Variants in CLINT1 observed in about 807,000 individuals in gnomAD.
CLINT1 encodes clathrin interactor 1, also known as clathrin interacting protein localized in the trans-Golgi region.
CLINT1 carries 15 observed loss-of-function variants against 70.4 expected under a neutral mutation model. The ratio of observed to expected loss-of-function variants is 0.21; its 90% CI spans 0.14 to 0.33. CLINT1 has a LOEUF of 0.33. CLINT1 is among the 10% of genes least tolerant of loss of function. The pLI, the probability that CLINT1 is intolerant of heterozygous loss-of-function variation, is 1.00. For missense variants in CLINT1, 615 were observed against 778.1 expected (o/e 0.79, Z 2.49); for synonymous variants, 227 against 254.7 (o/e 0.89, Z 1.04).
chr5:157,857,403 T>C (rs925776360), intron 1 of CLINT1, among the ~76,000 whole-genome samples: 39 of 152,176 alleles, frequency 2.6e-4, no homozygotes, highest in Non-Finnish European at 1.5e-5. Flanking sequence ...AATAGCTAAA[T>C]AGTCCGAAAT....
intron 1 of CLINT1, among the ~76,000 whole-genome samples, chr5:157,840,774 C>G (rs530517552): frequency 1.3e-5 from 2 of 151,942 alleles, no homozygotes; most frequent in Admixed American, 1.3e-4. Flanking sequence ...TGGTGGCTCA[C>G]GCTTGTAATC....
intron 8 of CLINT1, 169 bp from the exon 9 acceptor site, chr5:157,795,141 A>G (rs1050398704): frequency 8.1e-6 from 5 of 615,126 alleles, no homozygotes; most frequent in Admixed American, 2.9e-5. Flanking sequence ...TATGTTCCCT[A>G]TGAGCTACCA....
At chr5:157,817,886 C>T (rs1206888929) in intron 1 of CLINT1, among the ~76,000 whole-genome samples, 3 of 152,140 alleles carry the variant, frequency 2.0e-5, no homozygotes, top group Non-Finnish European at 2.9e-5. Context: ...ACTAAGTTGT[C>T]AGTTTCTTGA....
intron 1 of CLINT1, among the ~76,000 whole-genome samples, chr5:157,828,708 C>G (rs1228931772): frequency 2.0e-5 from 3 of 151,972 alleles, no homozygotes; most frequent in African/African-American, 7.3e-5. Flanking sequence ...AGAAGTATCC[C>G]TGGGCTGATT....
intron 10 of CLINT1, 118 bp from the exon 11 acceptor site, chr5:157,789,631 T>C: frequency 7.6e-7 from 1 of 1,319,132 alleles, no homozygotes; most frequent in Non-Finnish European, 1.1e-6. Flanking sequence ...CAGATGGCAA[T>C]TTAATCACAA....
chr5:157,831,149 T>C (rs1469364984), intron 1 of CLINT1, among the ~76,000 whole-genome samples: 1 of 151,904 alleles, frequency 6.6e-6, no homozygotes, highest in Non-Finnish European at 1.5e-5. Flanking sequence ...CCTCATTTAA[T>C]AACCTTATGT....
Position 157,859,063 on chromosome 5 carries a change from A to G in CLINT1, c.-93T>C. On this transcript the variant is annotated 5_prime_UTR_variant, in exon 1 of 12. Coordinates refer to ENST00000411809, the MANE Select transcript of CLINT1 (RefSeq NM_014666.4). ...ACCGGGGCAGTTCCAGGCCGGGGTC[A>G]CCGCCGCCCGCCGCCTCGAACTCCC... is the stretch of plus-strand genomic sequence containing the variant. 7.0e-7 allele frequency: 1 copy of G among 1,438,714 alleles called. No individual in the cohort carries two copies. The highest frequency in any genetic ancestry group is 9.5e-7 in the Non-Finnish European group (1 of 1,051,862). The allele number at this position is 1,438,714 out of a possible 1,614,324, so 89.1% of individuals were successfully genotyped here. A position where few individuals can be genotyped will look rare whatever the true frequency, so the allele number is the denominator to read the frequency against.
chr5:157,818,169 G>C (rs186076077), intron 1 of CLINT1, among the ~76,000 whole-genome samples: 127 of 152,158 alleles, frequency 8.3e-4, no homozygotes, highest in Admixed American at 2.8e-3. Flanking sequence ...GAGATTGTAC[G>C]ATGGACACTT....
intron 8 of CLINT1, among the ~76,000 whole-genome samples, chr5:157,801,009 A>T (rs550096919): frequency 6.6e-6 from 1 of 152,236 alleles, no homozygotes; most frequent in African/African-American, 2.4e-5. Flanking sequence ...CTGTGACACT[A>T]TATCTGTATT....
At chr5:157,813,545 A>G (rs567615875) in intron 4 of CLINT1, among the ~76,000 whole-genome samples, 4 of 152,356 alleles carry the variant, frequency 2.6e-5, no homozygotes, top group African/African-American at 9.6e-5. Context: ...AGACATATCC[A>G]TAAGTGCTAT....
intron 9 of CLINT1, among the ~76,000 whole-genome samples, chr5:157,792,818 G>T (rs1581474670): frequency 6.6e-6 from 1 of 152,102 alleles, no homozygotes; most frequent in Admixed American, 6.6e-5. Flanking sequence ...ATATTGAAAG[G>T]AACAGATAAA....
intron 1 of CLINT1, among the ~76,000 whole-genome samples, chr5:157,824,171 T>C (rs1581513910): frequency 6.6e-6 from 1 of 152,206 alleles, no homozygotes; most frequent in Non-Finnish European, 1.5e-5. Context: ...ATTAGATAAA[T>C]AGTTTTAAGA....
chr5:157,793,751 G>A (rs1761985086), intron 9 of CLINT1, among the ~76,000 whole-genome samples: 1 of 152,028 alleles, frequency 6.6e-6, no homozygotes, highest in Admixed American at 6.6e-5. Flanking sequence ...TCTAGTTTCT[G>A]GGAAATACTT....
At chr5:157,850,406 C>T (rs1239035469) in intron 1 of CLINT1, among the ~76,000 whole-genome samples, 1 of 151,786 alleles carries the variant, frequency 6.6e-6, no homozygotes, top group African/African-American at 2.4e-5. Flanking sequence ...ATTGCCTGAG[C>T]TCAAGAGTTT....
chr5:157,850,109 C>T (rs1486632229), intron 1 of CLINT1, among the ~76,000 whole-genome samples: 1 of 151,976 alleles, frequency 6.6e-6, no homozygotes, highest in Non-Finnish European at 1.5e-5. Context: ...ACAGGCGGGG[C>T]AACAAAGAGC....
intron 1 of CLINT1, among the ~76,000 whole-genome samples, chr5:157,819,646 G>A (rs1762822963): frequency 6.6e-6 from 1 of 152,200 alleles, no homozygotes; most frequent in Admixed American, 6.5e-5. Flanking sequence ...TGAAGAATGC[G>A]TGGCTTAGGC....
At chr5:157,853,477 A>G (rs1753642807) in intron 1 of CLINT1, among the ~76,000 whole-genome samples, 1 of 151,532 alleles carries the variant, frequency 6.6e-6, no homozygotes, top group Non-Finnish European at 1.5e-5. Flanking sequence ...CAGTAAACAG[A>G]TGAAAAACTG....
chr5:157,815,439 A>ATT (rs1762690515), intron 3 of CLINT1, among the ~76,000 whole-genome samples: 1 of 152,220 alleles, frequency 6.6e-6, no homozygotes, highest in Admixed American at 6.5e-5. Context: ...TACTCCTACA[A>ATT]AACTTTGTGA....
chr5:157,818,467 T>TAAAAAA (rs929415179), intron 1 of CLINT1, among the ~76,000 whole-genome samples: 2 of 88,328 alleles, frequency 2.3e-5, no homozygotes, highest in African/African-American at 8.4e-5. Flanking sequence ...ACCTGGTCTC[T>TAAAAAA]AAAAAAAAAA....
Sources: gnomAD v4.1 joint callset for allele counts (sites outside exome capture counted in the v4.1 genomes callset) on GRCh38, gnomAD v4.1.1 for gene constraint, MANE v1.5 for transcripts, NCBI Gene and HGNC (gene_info 2026-07-23, HGNC 2026-07-21) for gene names.